The following HCCS variants were observed in gnomAD, a reference collection of about 807,000 sequenced individuals.
HCCS encodes holocytochrome c synthase, also known as holocytochrome c-type synthase.
Under a neutral mutation model 24.2 loss-of-function variants are expected in HCCS, and 2 were observed. That is an observed-to-expected ratio of 0.08 (90% CI 0.03 to 0.26). The LOEUF (loss-of-function observed/expected upper bound fraction) is 0.26. HCCS is among the 10% of genes least tolerant of loss of function. The pLI is 1.00. For missense variants in HCCS, 150 were observed against 213.3 expected (o/e 0.70, Z 1.85); for synonymous variants, 73 against 76.2 (o/e 0.96, Z 0.22).
chrX:11,113,111 A>G lies in HCCS; in HGVS notation c.100+951A>G, dbSNP rs920582210. Reference sequence around the variant, plus strand: ...AATGGAAAAGCTGTCTTTCATTTTTAATTCATTCATGTCTACTTTAGATTT... The same window carrying G: ...AATGGAAAAGCTGTCTTTCATTTTTGATTCATTCATGTCTACTTTAGATTT... On this transcript the variant is annotated intron_variant, in intron 2 of 6. Coordinates refer to ENST00000380762, the MANE Select transcript of HCCS (RefSeq NM_005333.5). Among the ~76,000 whole-genome samples, 5 of 112,875 alleles carry G rather than the reference A, an allele frequency of 4.4e-5. No individual in the cohort carries two copies. In the Admixed American group the frequency reaches 4.7e-4, roughly 11 times the overall value.
At chrX:11,120,106 AT>A in intron 5 of HCCS, 1 of 267,316 alleles carries the variant, frequency 3.7e-6, no homozygotes, top group Non-Finnish European at 7.1e-6. Context: ...TACTTTGGAA[AT>A]TTTTCTCCCT....
chrX:11,121,546 A>G, intron 6 of HCCS, 66 bp from the exon 7 acceptor site: 1 of 971,440 alleles, frequency 1.0e-6, no homozygotes, highest in South Asian at 1.9e-5. Context: ...GAGTTTTCTC[A>G]TGGCTTAAAC....
At position 11,121,944 on chromosome X, in the gene HCCS, C is replaced by T. The variant is rs1412952070; in HGVS notation, c.*134C>T. 22 of 527,659 alleles carry T rather than the reference C, an allele frequency of 4.2e-5. No homozygotes were observed. The highest frequency in any genetic ancestry group is 1.4e-4 in the Admixed American group (5 of 36,535). 43.5% of individuals were successfully genotyped at this position (527,659 alleles called of 1,213,427 possible). A position where few individuals can be genotyped will look rare whatever the true frequency, so the allele number is the denominator to read the frequency against. The stretch of plus-strand genomic sequence containing the variant: ...TAATCACACTTTTTCCTTCACTTAA[C>T]GAAGGATACTATGCACTGTTCACTT... On this transcript the variant is annotated 3_prime_UTR_variant, in exon 7 of 7. Transcript: ENST00000380762.
rs772102161 is a variant in HCCS, at chrX:11,118,547, A to G, written c.448A>G (p.Ile150Val). 171 of 1,184,523 alleles carry G rather than the reference A, an allele frequency of 1.4e-4. No homozygotes were observed. The highest frequency in any genetic ancestry group is 1.8e-4 in the Non-Finnish European group (160 of 871,854). The change falls in exon 5 of 7, where the codon ATC (isoleucine) becomes GTC (valine). Residue 150 changes from isoleucine to valine, a missense_variant. Ile to Val is a conservative substitution (Grantham distance 29). Coordinates refer to ENST00000380762, the MANE Select transcript of HCCS (RefSeq NM_005333.5). ...EDISQKDMYN[I>V]IRIHNQNNEQ... The stretch of plus-strand genomic sequence containing the variant: ...TATCAGTCAGAAGGATATGTATAAT[A>G]TCATTAGAATTCACAATCAGAATAA...
At position 11,121,756 on chromosome X, in the gene HCCS, A is replaced by G. The variant is rs1370850553; in HGVS notation, c.753A>G (p.Ser251=). 1 of 1,209,912 alleles carries G rather than the reference A, an allele frequency of 8.3e-7. No individual in the cohort carries two copies. Among genetic ancestry groups the G allele is most frequent in the Admixed American group, 2.2e-5 (1 of 45,846 alleles). Reference sequence around the variant, plus strand: ...TGGACGTCCGTCCTGCCTTAGATTCACTTTCGGCAGTATGGGACAGAATGA... The same window carrying G: ...TGGACGTCCGTCCTGCCTTAGATTCGCTTTCGGCAGTATGGGACAGAATGA... ...TILDVRPALD[S]LSAVWDRMKV... The change falls in exon 7 of 7, where the codon TCA becomes TCG. Residue 251 remains serine, a synonymous_variant. Transcript: ENST00000380762.
Position 11,114,923 on chromosome X carries a change from C to T in HCCS, c.189C>T (p.Tyr63=), listed in dbSNP as rs138058070. Residue 63 remains tyrosine, a synonymous_variant, in exon 3 of 7, where the codon TAC becomes TAT. Transcript: ENST00000380762. ...VPAHQERAYE[Y]VECPIRGTAA... is the part of the protein sequence containing the mutation. ...CCCACCAGGAACGCGCCTATGAGTA[C>T]GTGGAGTGTCCCATTAGGGGCACTG... is the stretch of plus-strand genomic sequence containing the variant. The T allele has an allele frequency of 2.9e-4, 354 of 1,203,236 alleles. No individual in the cohort carries two copies. In the African/African-American group the frequency reaches 4.3e-3, roughly 14 times the overall value.
In HCCS at chrX:11,122,761, ATT is replaced by A. The variant is rs1248858914; in HGVS notation, c.*958_*959del. ...TGGAGAACGCTTCAACTCAGTCTAG[ATT>A]TTTTTTGTTTGTTTTAAGGAAGCTC... On this transcript the variant is annotated 3_prime_UTR_variant, in exon 7 of 7. Transcript: ENST00000380762. 3 of 111,897 alleles carry A rather than the reference ATT, an allele frequency of 2.7e-5. No homozygotes were observed. Among genetic ancestry groups the A allele is most frequent in the South Asian group, 7.4e-4 (2 of 2,708 alleles). 9.2% of individuals were successfully genotyped at this position (111,897 alleles called of 1,213,427 possible).
At chrX:11,114,061 T>C (rs1344860325) in intron 2 of HCCS, among the ~76,000 whole-genome samples, 1 of 112,978 alleles carries the variant, frequency 8.9e-6, no homozygotes, top group Non-Finnish European at 1.9e-5. Flanking sequence ...CCCTCACTAA[T>C]TGGGATCAGC....
Position 11,114,950 on chromosome X carries a change from G to A in HCCS, c.216G>A (p.Ala72=), listed in dbSNP as rs144152239. 5 of 1,208,334 alleles carry A rather than the reference G, an allele frequency of 4.1e-6. No individual in the cohort carries two copies. Among genetic ancestry groups the A allele is most frequent in the South Asian group, 1.8e-5 (1 of 56,899 alleles). ...EYVECPIRGT[A]AENKENLDPS... is the part of the protein sequence containing the mutation. ...TGGAGTGTCCCATTAGGGGCACTGC[G>A]GCTGAGAATAAGGAGAACCTAGATC... is the stretch of plus-strand genomic sequence containing the variant. Residue 72 remains alanine, a synonymous_variant, in exon 3 of 7, where the codon GCG becomes GCA. Coordinates refer to ENST00000380762, the MANE Select transcript of HCCS (RefSeq NM_005333.5).
chrX:11,119,576 GATTA>G (rs1364347909), intron 5 of HCCS, among the ~76,000 whole-genome samples: 2 of 112,676 alleles, frequency 1.8e-5, no homozygotes, highest in East Asian at 2.8e-4. Flanking sequence ...TGCACAATGC[GATTA>G]ATTAATTTCT....
In HCCS at chrX:11,122,995, T is replaced by C. The variant is rs2045504015; in HGVS notation, c.*1185T>C. 1 of 111,818 alleles carries C rather than the reference T, an allele frequency of 8.9e-6. No individual in the cohort carries two copies. Among genetic ancestry groups the C allele is most frequent in the South Asian group, 3.7e-4 (1 of 2,721 alleles). 9.2% of individuals were successfully genotyped at this position (111,818 alleles called of 1,213,427 possible). On this transcript the variant is annotated 3_prime_UTR_variant, in exon 7 of 7. Coordinates refer to ENST00000380762, the MANE Select transcript of HCCS (RefSeq NM_005333.5). ...TTGGTATGGATTTGTCAGTTTTGTG[T>C]GGAGTTTAAGAAATAGAACAGCCTT...
At chrX:11,115,757 G>C (rs2045443262) in intron 3 of HCCS, among the ~76,000 whole-genome samples, 3 of 112,143 alleles carry the variant, frequency 2.7e-5, no homozygotes, top group African/African-American at 9.7e-5. Context: ...TTGCACATAG[G>C]CCTTCAAATA....
At position 11,121,931 on chromosome X, in the gene HCCS, T is replaced by G. The variant is rs765735526; in HGVS notation, c.*121T>G. ...AACTTCAAGTGGGTAATCACACTTT[T>G]TCCTTCACTTAACGAAGGATACTAT... On this transcript the variant is annotated 3_prime_UTR_variant, in exon 7 of 7. Coordinates refer to ENST00000380762, the MANE Select transcript of HCCS (RefSeq NM_005333.5). The G allele has an allele frequency of 5.2e-6, 3 of 572,447 alleles. No individual in the cohort carries two copies. The highest frequency in any genetic ancestry group is 8.8e-6 in the Non-Finnish European group (3 of 342,581). 47.2% of individuals were successfully genotyped at this position (572,447 alleles called of 1,213,427 possible). A position where few individuals can be genotyped will look rare whatever the true frequency, so the allele number is the denominator to read the frequency against.
chrX:11,121,521 T>C, intron 6 of HCCS, 91 bp from the exon 7 acceptor site: 1 of 727,607 alleles, frequency 1.4e-6, no homozygotes, highest in Non-Finnish European at 2.2e-6. Context: ...GAGCAGGTGT[T>C]TGCATGTGCT....
intron 2 of HCCS, among the ~76,000 whole-genome samples, chrX:11,114,615 C>G (rs2045434924): frequency 8.9e-6 from 1 of 112,592 alleles, no homozygotes; most frequent in South Asian, 3.6e-4. Flanking sequence ...AGAATGTATA[C>G]TCATTTTTCT....
chrX:11,118,537 T>C lies in HCCS; in HGVS notation c.438T>C (p.Asp146=). 1 of 1,177,158 alleles carries C rather than the reference T, an allele frequency of 8.5e-7. No individual in the cohort carries two copies. Among genetic ancestry groups the C allele is most frequent in the Non-Finnish European group, 1.2e-6 (1 of 863,940 alleles). The change falls in exon 5 of 7, where the codon GAT becomes GAC. Residue 146 remains aspartate, a synonymous_variant. Transcript: ENST00000380762. ...AGGATGAGGATATCAGTCAGAAGGA[T>C]ATGTATAATATCATTAGAATTCACA... is the stretch of plus-strand genomic sequence containing the variant. The part of the protein sequence containing the change: ...KWKDEDISQK[D]MYNIIRIHNQ...
At chrX:11,116,695 G>T (rs1016559549) in intron 3 of HCCS, among the ~76,000 whole-genome samples, 2 of 112,291 alleles carry the variant, frequency 1.8e-5, no homozygotes, top group Admixed American at 9.4e-5. Flanking sequence ...CCCTGGCTAA[G>T]GCTAAGTGCT....
intron 5 of HCCS, among the ~76,000 whole-genome samples, chrX:11,118,984 T>G (rs2045470091): frequency 9.0e-6 from 1 of 111,534 alleles, no homozygotes; most frequent in Non-Finnish European, 1.9e-5. Flanking sequence ...GGCCTCTGAA[T>G]ATGGCTGTTT....
intron 4 of HCCS, 89 bp downstream of exon 4, chrX:11,117,504 A>G (rs2045457657): frequency 3.8e-6 from 3 of 799,165 alleles, no homozygotes; most frequent in African/African-American, 4.1e-5. Flanking sequence ...TCAAAACAAT[A>G]TAGTACATTT....
Sources: allele counts gnomAD v4.1 joint callset (sites outside exome capture counted in the v4.1 genomes callset), GRCh38; gene constraint gnomAD v4.1.1; transcripts MANE v1.5; gene names NCBI Gene and HGNC (gene_info 2026-07-23, HGNC 2026-07-21).